SPATA13: variants seen among roughly 807,000 people sequenced by gnomAD.
SPATA13 encodes the protein spermatogenesis associated 13, also known as spermatogenesis-associated protein 13.
A neutral mutation model predicts 104.0 loss-of-function variants in SPATA13; 50 were observed. That is an observed-to-expected ratio of 0.48 (90% CI 0.38 to 0.61). The LOEUF is 0.61. SPATA13 is among the 20% of genes least tolerant of loss of function. The pLI, the probability that SPATA13 is intolerant of heterozygous loss-of-function variation, is 0.00. For missense variants in SPATA13, 1,524 were observed against 1,690.6 expected (o/e 0.90, Z 1.73); for synonymous variants, 606 against 667.5 (o/e 0.91, Z 1.42).
chr13:24,084,849 C>T (rs1352439796), intron 3 of SPATA13, among the ~76,000 whole-genome samples: 1 of 152,002 alleles, frequency 6.6e-6, no homozygotes, highest in East Asian at 1.9e-4. Context: ...TAGCAAGACC[C>T]GGTCTCTACA....
intron 3 of SPATA13, among the ~76,000 whole-genome samples, chr13:24,037,716 C>T (rs1371382978): frequency 1.3e-5 from 2 of 151,080 alleles, no homozygotes; most frequent in Non-Finnish European, 3.0e-5. Context: ...CCGGCTAACA[C>T]TTTTAAAGTT....
chr13:24,272,960 C>G (rs1377324531), intron 4 of SPATA13: 4 of 152,568 alleles, frequency 2.6e-5, no homozygotes, highest in Non-Finnish European at 5.9e-5. Flanking sequence ...ACTGGGAGGG[C>G]TGACGAGACA....
At chr13:24,257,126 C>T (rs1056289436) in intron 4 of SPATA13, among the ~76,000 whole-genome samples, 11 of 152,206 alleles carry the variant, frequency 7.2e-5, no homozygotes, top group African/African-American at 2.7e-4. Context: ...AAGTCAAATT[C>T]GAGTGCTTTT....
chr13:24,228,515 G>A (rs1457718118), intron 2 of SPATA13, among the ~76,000 whole-genome samples: 3 of 152,148 alleles, frequency 2.0e-5, no homozygotes, highest in Non-Finnish European at 4.4e-5. Flanking sequence ...GGTGTTACTT[G>A]TAGAGAAGTG....
At chr13:24,134,420 C>G (rs963751934) in intron 3 of SPATA13, among the ~76,000 whole-genome samples, 1 of 152,174 alleles carries the variant, frequency 6.6e-6, no homozygotes, top group Non-Finnish European at 1.5e-5. Flanking sequence ...TTGTTTATCA[C>G]AGAGGCAGAT....
rs905308143 is a variant in SPATA13 at position 24,267,614 on chromosome 13, C to CA, written c.2164+15762dup. ...CTTTTTGAAAACTAATGATTTTAAC[C>CA]AAAAAAAAAATTTTTGTAGAAAATG... On this transcript the variant is annotated intron_variant, in intron 4 of 12. Transcript: ENST00000382108. Among the ~76,000 whole-genome samples, 26 of 150,320 alleles carry CA rather than the reference C, an allele frequency of 1.7e-4. 1 individual carries two copies. Among genetic ancestry groups the CA allele is most frequent in the East Asian group, 3.9e-4 (2 of 5,162 alleles).
At chr13:24,297,316 G>A (rs1443778949) in intron 10 of SPATA13, 47 bp from the exon 11 acceptor site, 35 of 1,558,754 alleles carry the variant, frequency 2.2e-5, no homozygotes, top group Non-Finnish European at 3.0e-5. Flanking sequence ...TAGGACTACA[G>A]CTGTGGTAGA....
intron 3 of SPATA13, among the ~76,000 whole-genome samples, chr13:24,148,251 T>C (rs974542591): frequency 2.6e-5 from 4 of 152,204 alleles, no homozygotes; most frequent in Non-Finnish European, 4.4e-5. Flanking sequence ...ATCGTTACTA[T>C]TGTTAGGGCT....
chr13:24,036,013 C>CAA lies in SPATA13; in HGVS notation c.-112+18331_-112+18332dup, dbSNP rs56837096. Among the ~76,000 whole-genome samples, 214 of 112,520 alleles carry CAA rather than the reference C, an allele frequency of 1.9e-3. 4 individuals carry two copies. Among genetic ancestry groups the CAA allele is most frequent in the African/African-American group, 6.7e-3 (210 of 31,378 alleles). The allele number at this position is 112,520 out of a possible 152,430, so 73.8% of individuals were successfully genotyped here. On this transcript the variant is annotated intron_variant, in intron 3 of 14. Transcript: ENST00000424834. ...TGGGTGACAGAGTAAGACCCTGTCT[C>CAA]AAAAAAAAAAAAAAAAAAAAGAAAG...
intron 1 of SPATA13, among the ~76,000 whole-genome samples, chr13:24,204,271 C>T (rs920979592): frequency 3.9e-5 from 6 of 152,130 alleles, no homozygotes; most frequent in Admixed American, 3.9e-4. Flanking sequence ...TTTCATTTTG[C>T]AGATGAAAAA....
chr13:24,179,840 C>T (rs1361368443), intron 1 of SPATA13, among the ~76,000 whole-genome samples: 4 of 152,130 alleles, frequency 2.6e-5, no homozygotes, highest in Non-Finnish European at 4.4e-5. Flanking sequence ...AGTCTTTGCT[C>T]ATTTTTTAAT....
At chr13:24,247,883 G>T (rs1327411169) in intron 2 of SPATA13, among the ~76,000 whole-genome samples, 5 of 152,096 alleles carry the variant, frequency 3.3e-5, no homozygotes, top group South Asian at 2.1e-4. Flanking sequence ...ACTGGCTGGA[G>T]GTGTGCCTCC....
At chr13:24,045,597 C>A (rs1326183444) in intron 3 of SPATA13, among the ~76,000 whole-genome samples, 2 of 152,104 alleles carry the variant, frequency 1.3e-5, no homozygotes, top group African/African-American at 2.4e-5. Flanking sequence ...GTAAACAATA[C>A]CAGGCTCATG....
At chr13:24,140,809 T>TG (rs1225592584) in intron 3 of SPATA13, among the ~76,000 whole-genome samples, 3 of 152,258 alleles carry the variant, frequency 2.0e-5, no homozygotes, top group Non-Finnish European at 4.4e-5. Flanking sequence ...CTTTGATGAA[T>TG]GTCTGCCTTG....
At chr13:24,204,524 A>G (rs1006411268) in intron 1 of SPATA13, among the ~76,000 whole-genome samples, 2 of 152,198 alleles carry the variant, frequency 1.3e-5, no homozygotes, top group South Asian at 2.1e-4. Flanking sequence ...TGGTTGTGCA[A>G]CTATTACTAC....
At chr13:24,146,954 A>G (rs1881953848) in intron 3 of SPATA13, among the ~76,000 whole-genome samples, 1 of 150,456 alleles carries the variant, frequency 6.6e-6, no homozygotes, top group Non-Finnish European at 1.5e-5. Flanking sequence ...TAGAAAAACT[A>G]TGCCTTTCAC....
intron 3 of SPATA13, among the ~76,000 whole-genome samples, chr13:24,026,697 C>CCT (rs1877230110): frequency 6.6e-6 from 1 of 152,146 alleles, no homozygotes; most frequent in Non-Finnish European, 1.5e-5. Context: ...TCTGCCTCAA[C>CCT]CTCCCAAGTA....
Position 24,238,855 on chromosome 13 carries a change from G to A in SPATA13, c.1654-10622G>A, listed in dbSNP as rs192968334. On this transcript the variant is annotated intron_variant, in intron 2 of 12. Coordinates refer to ENST00000382108, the MANE Select transcript of SPATA13 (RefSeq NM_001166271.3). ...GAGTTAAACCTACTGGAAATATTTG[G>A]CAGCAGAACACATTAGATTCTTGTA... Among the ~76,000 whole-genome samples, 506 of 152,276 alleles carry A rather than the reference G, an allele frequency of 3.3e-3. 1 individual carries two copies. Among genetic ancestry groups the A allele is most frequent in the African/African-American group, 0.012 (482 of 41,538 alleles).
Position 24,303,081 on chromosome 13 carries a change from G to T in SPATA13, c.*308G>T. 2.4e-6 allele frequency: 1 copy of T among 423,524 alleles called. No homozygotes were observed. The highest frequency in any genetic ancestry group is 4.4e-6 in the Non-Finnish European group (1 of 224,774). 26.2% of individuals were successfully genotyped at this position (423,524 alleles called of 1,614,324 possible). ...AGCGAGTGATTAGGCAGCAGCTGAA[G>T]CCACCCCTGCTGATGATGAGCAAGT... On this transcript the variant is annotated 3_prime_UTR_variant, in exon 13 of 13. Transcript: ENST00000382108.
Sources: gnomAD v4.1 joint callset for allele counts (sites outside exome capture counted in the v4.1 genomes callset) on GRCh38, gnomAD v4.1.1 for gene constraint, MANE v1.5 for transcripts, NCBI Gene and HGNC (gene_info 2026-07-23, HGNC 2026-07-21) for gene names.